Variants in INSYN2A observed in about 807,000 individuals in gnomAD.
INSYN2A encodes family with sequence similarity 196 member A.
A neutral mutation model predicts 39.4 loss-of-function variants in INSYN2A; 17 were observed. The observed-to-expected ratio is 0.43, with a 90% CI of 0.30 to 0.65. The LOEUF is 0.65. Ranked by LOEUF, INSYN2A falls within the 30% of genes least tolerant of loss-of-function variation. INSYN2A has a pLI of 0.14. For missense variants in INSYN2A, 595 were observed against 631.2 expected (o/e 0.94, Z 0.61); for synonymous variants, 255 against 265.7 (o/e 0.96, Z 0.39).
At chr10:127,179,420 T>C (rs918678791) in intron 2 of INSYN2A, among the ~76,000 whole-genome samples, 1 of 152,242 alleles carries the variant, frequency 6.6e-6, no homozygotes, top group Non-Finnish European at 1.5e-5. Flanking sequence ...TAGTTTGTTA[T>C]TGCTGACTTA....
chr10:127,157,918 A>G (rs1467982187), intron 4 of INSYN2A, among the ~76,000 whole-genome samples: 1 of 152,350 alleles, frequency 6.6e-6, no homozygotes, highest in Middle Eastern at 3.4e-3. Flanking sequence ...AGCTGCCAGC[A>G]GCTGGTGTCA....
chr10:127,163,799 CTTTT>C (rs531750560), intron 4 of INSYN2A, among the ~76,000 whole-genome samples: 6 of 129,160 alleles, frequency 4.6e-5, no homozygotes, highest in Admixed American at 7.9e-5. Context: ...TAAAGCCTTC[CTTTT>C]TTTTTTTTTT....
At chr10:127,154,074 T>C in intron 4 of INSYN2A, 151 bp from the exon 5 acceptor site, 1 of 622,238 alleles carries the variant, frequency 1.6e-6, no homozygotes, top group Non-Finnish European at 2.9e-6. Flanking sequence ...TGCTCCTGTC[T>C]CTGCTTTCGT....
chr10:127,138,081 T>C, intron 5 of INSYN2A, 61 bp from the exon 6 acceptor site: 1 of 1,446,094 alleles, frequency 6.9e-7, no homozygotes, highest in Admixed American at 2.3e-5. Flanking sequence ...AGATCCCTCT[T>C]AGTGTCAGCA....
chr10:127,188,200 G>T lies in INSYN2A; in HGVS notation c.-269+4405C>A, dbSNP rs534727716. 8.5e-5 allele frequency among the ~76,000 whole-genome samples: 13 copies of T among 152,254 alleles called. 1 individual carries two copies. Among genetic ancestry groups the T allele is most frequent in the East Asian group, 3.9e-4 (2 of 5,168 alleles). ...GAGTGTCTGTGCCCTGGCCTGGCTG[G>T]GCTGTGCTGTGCACAAACAGATGGG... On this transcript the variant is annotated intron_variant, in intron 2 of 5. Coordinates refer to ENST00000522781, the MANE Select transcript of INSYN2A (RefSeq NM_001039762.3).
intron 2 of INSYN2A, among the ~76,000 whole-genome samples, chr10:127,185,640 A>G (rs2134018921): frequency 6.6e-6 from 1 of 152,360 alleles, no homozygotes; most frequent in South Asian, 2.1e-4. Flanking sequence ...CACATTAGGT[A>G]GAACCTGGCT....
At chr10:127,159,574 T>C (rs2053405704) in intron 4 of INSYN2A, among the ~76,000 whole-genome samples, 1 of 152,120 alleles carries the variant, frequency 6.6e-6, no homozygotes, top group South Asian at 2.1e-4. Context: ...GGCATGCAGG[T>C]CTTCAGTTAA....
intron 5 of INSYN2A, among the ~76,000 whole-genome samples, chr10:127,151,386 C>G (rs988014754): frequency 1.3e-5 from 2 of 152,100 alleles, no homozygotes; most frequent in African/African-American, 4.8e-5. Context: ...GTCCTGGGAC[C>G]AAAAGCCTTC....
chr10:127,177,633 C>A (rs918541547), intron 2 of INSYN2A, among the ~76,000 whole-genome samples: 1 of 152,188 alleles, frequency 6.6e-6, no homozygotes, highest in African/African-American at 2.4e-5. Flanking sequence ...AAACAGACTT[C>A]GTCCACATTG....
At chr10:127,144,170 C>T (rs186889941) in intron 5 of INSYN2A, among the ~76,000 whole-genome samples, 25 of 152,306 alleles carry the variant, frequency 1.6e-4, no homozygotes, top group Admixed American at 1.4e-3. Context: ...TGTATTCTCT[C>T]CCTCTCCAGT....
At chr10:127,186,514 CG>C (rs55655010) in intron 2 of INSYN2A, among the ~76,000 whole-genome samples, 1,751 of 26,210 alleles carry the variant, frequency 0.067, 386 homozygotes, top group Non-Finnish European at 0.22. Context: ...ACCGCCCCCC[CG>C]CCCCCCCCCG....
intron 5 of INSYN2A, 22 bp downstream of exon 5, chr10:127,153,830 G>A (rs755757320): frequency 6.4e-7 from 1 of 1,563,906 alleles, no homozygotes; most frequent in Admixed American, 1.7e-5. Flanking sequence ...AAGAAAGTGG[G>A]AAGAGGAGAA....
At chr10:127,174,582 T>C (rs925453437) in intron 4 of INSYN2A, among the ~76,000 whole-genome samples, 8 of 152,284 alleles carry the variant, frequency 5.3e-5, no homozygotes, top group South Asian at 4.2e-4. Context: ...ACTGGACACA[T>C]AGGGCAGCCC....
chr10:127,182,318 T>C (rs770220936), intron 2 of INSYN2A, among the ~76,000 whole-genome samples: 1 of 152,118 alleles, frequency 6.6e-6, no homozygotes, highest in Non-Finnish European at 1.5e-5. Context: ...CAAAAAAACC[T>C]ATGGTCAGTT....
rs373167144 is a variant in INSYN2A, at chr10:127,175,630, C to T, written c.766G>A (p.Val256Ile). Residue 256 changes from valine to isoleucine, a missense_variant, in exon 4 of 6, where the codon GTT becomes ATT. This residue lies in a region of INSYN2A where 478 missense variants were observed against 467.4 expected (regional missense o/e 1.02). Transcript: ENST00000522781. The surrounding 1 kb of genome is among the most constrained non-coding windows in gnomAD (Gnocchi z 6.3). ...CTGGCACTGAGGGCAGGTGCGTAAA[C>T]GGTGGCAACCTCCGTTTTAAACACC... is the stretch of plus-strand genomic sequence containing the variant. ...RRVFKTEVAT[V>I]YAPALSARAP... 3.7e-5 allele frequency: 60 copies of T among 1,613,080 alleles called. No individual in the cohort carries two copies. Among genetic ancestry groups the T allele is most frequent in the African/African-American group, 2.1e-4 (16 of 74,926 alleles).
chr10:127,175,723 G>GC lies in INSYN2A; in HGVS notation c.672dup (p.Leu225AlafsTer26), dbSNP rs1564870645. On this transcript the variant is annotated frameshift_variant, in exon 4 of 6. Transcript: ENST00000522781. LOFTEE classifies it high-confidence loss of function. This position sits in a 1 kb window ranked among gnomAD's most constrained non-coding sequence, Gnocchi z 6.3. ...CCCCGGTCCTGCTTGGCCCTCCCGA[G>GC]CAGCTGGTAATCGGGCTCTTCGGAT... 4.3e-6 allele frequency: 7 copies of GC among 1,614,072 alleles called. No homozygotes were observed. Among genetic ancestry groups the GC allele is most frequent in the Non-Finnish European group, 5.9e-6 (7 of 1,180,030 alleles).
At chr10:127,142,431 G>C in intron 5 of INSYN2A, among the ~76,000 whole-genome samples, 1 of 152,152 alleles carries the variant, frequency 6.6e-6, no homozygotes, top group East Asian at 1.9e-4. Flanking sequence ...GCATGGGCAG[G>C]GGAGTGTCCA....
intron 5 of INSYN2A, among the ~76,000 whole-genome samples, chr10:127,148,125 G>A (rs58324969): frequency 0.091 from 13,802 of 151,150 alleles, 1,820 homozygotes; most frequent in African/African-American, 0.29. Context: ...ACAGCAATGC[G>A]TTTCACAAGC....
chr10:127,144,441 G>A (rs539845118), intron 5 of INSYN2A, among the ~76,000 whole-genome samples: 1 of 152,308 alleles, frequency 6.6e-6, no homozygotes, highest in East Asian at 1.9e-4. Context: ...GATGGACCAT[G>A]TTTAATTCAT....
Sources: gnomAD v4.1 joint callset for allele counts (sites outside exome capture counted in the v4.1 genomes callset) on GRCh38, gnomAD v4.1.1 for gene constraint, gnomAD v4.1.1 regional missense constraint, Gnocchi (gnomAD v3.1) non-coding constraint, MANE v1.5 for transcripts, NCBI Gene and HGNC (gene_info 2026-07-23, HGNC 2026-07-21) for gene names.